WBP2NL: variants seen among roughly 807,000 people sequenced by gnomAD.
WBP2NL encodes postacrosomal sheath WW domain-binding protein.
In WBP2NL, 27 loss-of-function variants were observed where a neutral mutation model predicts 23.3. The ratio of observed to expected loss-of-function variants is 1.16; its 90% CI spans 0.85 to 1.60. WBP2NL has a LOEUF of 1.60. Ranked by LOEUF, WBP2NL falls within the 40% of genes most tolerant of loss-of-function variation. WBP2NL has a pLI of 0.00. For missense variants in WBP2NL, 370 were observed against 389.5 expected, an observed-to-expected ratio of 0.95 and a Z score of 0.42; for synonymous variants, 151 against 145.9, an observed-to-expected ratio of 1.03 and a Z score of -0.25.
intron 1 of WBP2NL, among the ~76,000 whole-genome samples, chr22:42,016,516 A>G (rs1361280792): frequency 6.6e-6 from 1 of 152,234 alleles, no homozygotes; most frequent in Non-Finnish European, 1.5e-5. Context: ...AGGGTAGGTT[A>G]AAATGTCATA....
rs755790263 is a variant in WBP2NL at position 42,026,887 on chromosome 22, C to T, written c.636C>T (p.Ala212=). 3 of 1,613,096 alleles carry T rather than the reference C, an allele frequency of 1.9e-6. No individual in the cohort carries two copies. Among genetic ancestry groups the T allele is most frequent in the African/African-American group, 1.3e-5 (1 of 74,676 alleles). ...AAGGCCCGCCTGTGGGATACAGAGC[C>T]TCACCTGTGCGATATGGAGCCCCAC... The part of the protein sequence containing the change: ...GNEGPPVGYR[A]SPVRYGAPPL... The change falls in exon 6 of 6, where the codon GCC becomes GCT. Residue 212 remains alanine, a synonymous_variant. Transcript: ENST00000328823.
At chr22:42,029,121 T>C (rs1381883372), downstream of WBP2NL, among the ~76,000 whole-genome samples, 1 of 152,114 alleles carries the variant, frequency 6.6e-6, no homozygotes, top group East Asian at 1.9e-4. Flanking sequence ...CCTTATCTTA[T>C]TGTAGGCTCA....
At chr22:42,039,355 C>CTTT (rs57767168) in intron 8 of WBP2NL, among the ~76,000 whole-genome samples, 3,434 of 141,138 alleles carry the variant, frequency 0.024, 79 homozygotes, top group Non-Finnish European at 0.038. Context: ...GGATTACAGG[C>CTTT]TTTTTTTTTT....
intron 1 of WBP2NL, chr22:42,002,014 C>T (rs1307219668): frequency 1.1e-5 from 8 of 697,490 alleles, no homozygotes; most frequent in East Asian, 3.0e-5. Context: ...GTCCGAGAAT[C>T]GGCTTTGACT....
downstream of WBP2NL, among the ~76,000 whole-genome samples, chr22:42,035,397 T>G (rs1925143474): frequency 6.6e-6 from 1 of 152,240 alleles, no homozygotes; most frequent in South Asian, 2.1e-4. Flanking sequence ...AGCACAGGGA[T>G]GCCTGGGTCT....
intron 1 of WBP2NL, among the ~76,000 whole-genome samples, chr22:42,018,926 A>C (rs985091809): frequency 1.3e-5 from 2 of 151,892 alleles, no homozygotes; most frequent in African/African-American, 4.8e-5. Context: ...AAAAAAAAAA[A>C]AAAAAACTAC....
chr22:42,047,902 G>T (rs1048616082), intron 8 of WBP2NL, among the ~76,000 whole-genome samples: 1 of 151,674 alleles, frequency 6.6e-6, no homozygotes, highest in Non-Finnish European at 1.5e-5. Flanking sequence ...GATTATAGGC[G>T]TAAGCCACTG....
At chr22:42,029,294 GAAAAAAA>G (rs953340569), downstream of WBP2NL, among the ~76,000 whole-genome samples, 20 of 81,990 alleles carry the variant, frequency 2.4e-4, no homozygotes, top group Admixed American at 4.2e-4. Flanking sequence ...CTGTGTCTAG[GAAAAAAA>G]AAAAAAAAAA....
In WBP2NL at chr22:42,020,850, ATATGTG is replaced by A. The variant is rs1350814252; in HGVS notation, c.406+756_406+761del. ...ACTACAAATAATTTTTTTATCTCAT[ATATGTG>A]TGTGTGTGTGTGTATATATATATAT... On this transcript the variant is annotated intron_variant, in intron 4 of 5. Coordinates refer to ENST00000328823, the MANE Select transcript of WBP2NL (RefSeq NM_152613.3). Among the ~76,000 whole-genome samples the A allele has an allele frequency of 2.3e-4, 7 of 29,828 alleles. No individual in the cohort carries two copies. In the African/African-American group the frequency reaches 2.4e-3, roughly 10 times the overall value. The allele number at this position is 29,828 out of a possible 152,430, so 19.6% of individuals were successfully genotyped here.
intron 1 of WBP2NL, among the ~76,000 whole-genome samples, chr22:42,007,061 A>T (rs1922319970): frequency 6.6e-6 from 1 of 152,216 alleles, no homozygotes; most frequent in African/African-American, 2.4e-5. Flanking sequence ...GGAAATAAAC[A>T]GTTTTTTTCT....
In WBP2NL at chr22:42,055,211, C is replaced by G. The variant is rs1196234742; in HGVS notation, c.*274-3079C>G. Among the ~76,000 whole-genome samples the G allele has an allele frequency of 3.9e-5, 6 of 152,224 alleles. No homozygotes were observed. In the East Asian group the frequency reaches 1.2e-3, roughly 29 times the overall value. ...TTTTTTTTTGAGACTGAGTCTCGCT[C>G]TGTCGCCCAGGCTGGAGTGCAGTGG... On this transcript the variant is annotated intron_variant and NMD_transcript_variant, in intron 8 of 8. Coordinates refer to the WBP2NL transcript ENST00000436265.
In WBP2NL at chr22:42,018,073, C is replaced by T. The variant is rs200493288; in HGVS notation, c.63-1238C>T. ...CAGAGGCAGGAGAATCGTTTGAACC[C>T]GGGAGGCGGAGGTTGCAGTGAGCCG... On this transcript the variant is annotated intron_variant, in intron 1 of 5. Coordinates refer to ENST00000328823, the MANE Select transcript of WBP2NL (RefSeq NM_152613.3). Among the ~76,000 whole-genome samples the T allele has an allele frequency of 7.6e-4, 114 of 150,592 alleles. 3 individuals carry two copies. Among genetic ancestry groups the T allele is most frequent in the Middle Eastern group, 3.4e-3 (1 of 292 alleles).
chr22:42,012,176 A>AT (rs558966827), intron 1 of WBP2NL, among the ~76,000 whole-genome samples: 6 of 151,876 alleles, frequency 4.0e-5, no homozygotes, highest in African/African-American at 1.2e-4. Flanking sequence ...TTGAACTTAA[A>AT]TTTTTTTTCT....
At chr22:42,058,042 G>A (rs9623509) in intron 8 of WBP2NL, among the ~76,000 whole-genome samples, 10,666 of 144,298 alleles carry the variant, frequency 0.074, 1,248 homozygotes, top group African/African-American at 0.25. Flanking sequence ...TCAGCCTCCC[G>A]AGTGGCTGGG....
chr22:42,033,067 T>C, downstream of WBP2NL: 1 of 164,906 alleles, frequency 6.1e-6, no homozygotes. Flanking sequence ...TGGCTCATGC[T>C]ACTGGCCTGG....
intron 8 of WBP2NL, among the ~76,000 whole-genome samples, chr22:42,049,964 G>T (rs1354771267): frequency 7.9e-6 from 1 of 127,040 alleles, no homozygotes; most frequent in Non-Finnish European, 1.6e-5. Flanking sequence ...GCAAAGAAGC[G>T]AGACTCCGTC....
chr22:42,010,101 G>C (rs935035285), intron 1 of WBP2NL, among the ~76,000 whole-genome samples: 2 of 151,852 alleles, frequency 1.3e-5, no homozygotes, highest in African/African-American at 4.8e-5. Flanking sequence ...CTCCTTTTTG[G>C]ATCATTCATA....
Position 42,019,403 on chromosome 22 carries a change from T to C in WBP2NL, c.155T>C (p.Phe52Ser), listed in dbSNP as rs780904965. The change falls in exon 2 of 6, where the codon TTT (phenylalanine) becomes TCT (serine). Residue 52 changes from phenylalanine to serine, a missense_variant. Transcript: ENST00000328823. ...VFSGRKTGTLFLTSYRVIFIT... is the reference protein window; with the variant it reads ...VFSGRKTGTLSLTSYRVIFIT... Reference sequence around the variant, plus strand: ...AGTGGTAGAAAGACAGGAACATTGTTTCTCACTTCATACCGGGTAATTTCT... The same window carrying C: ...AGTGGTAGAAAGACAGGAACATTGTCTCTCACTTCATACCGGGTAATTTCT... 3 of 1,613,976 alleles carry C rather than the reference T, an allele frequency of 1.9e-6. No homozygotes were observed. The highest frequency in any genetic ancestry group is 2.2e-5 in the South Asian group (2 of 91,058).
At chr22:42,039,657 TATG>T (rs1285833340) in intron 8 of WBP2NL, among the ~76,000 whole-genome samples, 1 of 152,178 alleles carries the variant, frequency 6.6e-6, no homozygotes, top group Non-Finnish European at 1.5e-5. Context: ...AATAGTCCCT[TATG>T]ATCCTTTTTA....
Sources: gnomAD v4.1 joint callset for allele counts (sites outside exome capture counted in the v4.1 genomes callset) on GRCh38, gnomAD v4.1.1 for gene constraint, MANE v1.5 for transcripts, NCBI Gene and HGNC (gene_info 2026-07-23, HGNC 2026-07-21) for gene names.